The following HERC2 variants were observed in gnomAD, a reference collection of about 807,000 sequenced individuals.
HERC2 encodes HECT and RLD domain containing E3 ubiquitin protein ligase 2.
Under a neutral mutation model 537.7 loss-of-function variants are expected in HERC2, and 102 were observed. That is an observed-to-expected ratio of 0.19 (90% CI 0.16 to 0.22). The LOEUF is 0.22. Ranked by LOEUF, HERC2 falls within the 10% of genes least tolerant of loss-of-function variation. The pLI is 1.00. For missense variants in HERC2, 4,236 were observed against 6,198.2 expected (o/e 0.68, Z 10.63); for synonymous variants, 2,224 against 2,466.2 (o/e 0.90, Z 2.91).
At position 28,114,675 on chromosome 15, in the gene HERC2, G is replaced by A. The variant is rs777060023; in HGVS notation, c.13850C>T (p.Ser4617Phe). ...SASGQDIQLS[S>F]KHTHITLDNR... Reference sequence around the variant, plus strand: ...GTCCAGGGTGATGTGTGTGTGCTTGGAGCTCAACTGAATGTCCTGGCCACT... The same window carrying A: ...GTCCAGGGTGATGTGTGTGTGCTTGAAGCTCAACTGAATGTCCTGGCCACT... Residue 4617 changes from serine (S) to phenylalanine (F), a missense_variant, in exon 90 of 93, where the codon TCC becomes TTC. By Grantham distance (155) the Ser-to-Phe change is radical (BLOSUM62 -2). Around this residue, in one of 27 missense-constraint regions of HERC2, gnomAD observed 313 missense variants for 462.6 expected, o/e 0.68. Transcript: ENST00000261609. The A allele has an allele frequency of 6.2e-7, 1 of 1,614,068 alleles. No homozygotes were observed. The highest frequency in any genetic ancestry group is 8.5e-7 in the Non-Finnish European group (1 of 1,180,034).
chr15:28,173,067 AG>A (rs1232943307), intron 65 of HERC2, among the ~76,000 whole-genome samples: 2 of 152,256 alleles, frequency 1.3e-5, no homozygotes, highest in Non-Finnish European at 2.9e-5. Flanking sequence ...TACGTCTATC[AG>A]TATAACTAAA....
Position 28,302,953 on chromosome 15 carries a change from G to A in HERC2, c.73-3437C>T, listed in dbSNP as rs1596444553. Among the ~76,000 whole-genome samples, 7 of 151,576 alleles carry A rather than the reference G, an allele frequency of 4.6e-5. No individual in the cohort carries two copies. The South Asian group carries it at 1.5e-3, about 32-fold the overall frequency. On this transcript the variant is annotated intron_variant, in intron 2 of 92. Transcript: ENST00000261609. ...TTGCAAATATTTTCTCCCATTCTGT[G>A]GGTTGTCTCTTCATTTTGTTGATTG...
At chr15:28,209,212 A>G (rs979405008) in intron 44 of HERC2, among the ~76,000 whole-genome samples, 15 of 152,222 alleles carry the variant, frequency 9.9e-5, no homozygotes, top group South Asian at 2.1e-4. Flanking sequence ...CTAGCCCTCC[A>G]TATCCATGGG....
intron 69 of HERC2, among the ~76,000 whole-genome samples, chr15:28,154,060 G>A (rs1391925384): frequency 2.0e-5 from 3 of 152,068 alleles, no homozygotes; most frequent in Admixed American, 6.5e-5. Flanking sequence ...ACTTATTGAT[G>A]ATTCACATCT....
chr15:28,300,378 A>G (rs2076587758), intron 2 of HERC2, among the ~76,000 whole-genome samples: 1 of 149,468 alleles, frequency 6.7e-6, no homozygotes, highest in African/African-American at 2.6e-5. Flanking sequence ...TTTGAACTAC[A>G]TATCATTAAT....
chr15:28,304,036 G>C lies in HERC2; in HGVS notation c.73-4520C>G, dbSNP rs370950174. Among the ~76,000 whole-genome samples the C allele has an allele frequency of 7.2e-5, 11 of 152,094 alleles. No individual in the cohort carries two copies. The East Asian group carries it at 1.7e-3, about 24-fold the overall frequency. On this transcript the variant is annotated intron_variant, in intron 2 of 92. Coordinates refer to ENST00000261609, the MANE Select transcript of HERC2 (RefSeq NM_004667.6). ...CAAAAATTAGCCAGGCCTGGTGGCAGGCGCCTGTAATGCCAGCTACTCAGG... is the reference window on the plus strand; with the variant it reads ...CAAAAATTAGCCAGGCCTGGTGGCACGCGCCTGTAATGCCAGCTACTCAGG...
At chr15:28,193,688 T>G (rs1014431568) in intron 52 of HERC2, among the ~76,000 whole-genome samples, 18 of 152,024 alleles carry the variant, frequency 1.2e-4, no homozygotes, top group African/African-American at 4.3e-4. Context: ...AAAAAGACTC[T>G]CTGAAAAGCA....
rs534318160 is a variant in HERC2 at position 28,314,240 on chromosome 15, C to T, written c.72+7122G>A. Among the ~76,000 whole-genome samples, 397 of 151,760 alleles carry T rather than the reference C, an allele frequency of 2.6e-3. 2 individuals carry two copies. The highest frequency in any genetic ancestry group is 4.6e-3 in the Non-Finnish European group (310 of 67,890). On this transcript the variant is annotated intron_variant, in intron 2 of 92. Transcript: ENST00000261609. Reference sequence around the variant, plus strand: ...AAATGAAAAAAAAAATAGAAGTCAACAGAACAGACCAAGAGTAGATCCTGA... The same window carrying T: ...AAATGAAAAAAAAAATAGAAGTCAATAGAACAGACCAAGAGTAGATCCTGA...
At chr15:28,182,250 G>T in intron 57 of HERC2, 151 bp downstream of exon 57, 1 of 516,868 alleles carries the variant, frequency 1.9e-6, no homozygotes, top group Non-Finnish European at 3.4e-6. Flanking sequence ...TTTTCAAGGA[G>T]AGACGCTTCT....
At chr15:28,169,119 C>T (rs1043844817) in intron 66 of HERC2, among the ~76,000 whole-genome samples, 4 of 152,310 alleles carry the variant, frequency 2.6e-5, no homozygotes, top group Non-Finnish European at 5.9e-5. Flanking sequence ...TGCAAAATGC[C>T]GCACTGGCAA....
At chr15:28,175,197 T>G (rs1403013086) in intron 64 of HERC2, among the ~76,000 whole-genome samples, 3 of 151,034 alleles carry the variant, frequency 2.0e-5, no homozygotes, top group African/African-American at 7.3e-5. Flanking sequence ...AGTTACCAAT[T>G]CTCTAAAGGA....
At chr15:28,129,608 GGTCT>G (rs1046975246) in intron 83 of HERC2, among the ~76,000 whole-genome samples, 2 of 152,224 alleles carry the variant, frequency 1.3e-5, no homozygotes, top group East Asian at 1.9e-4. Flanking sequence ...GCCTGCAGCA[GGTCT>G]GTCTAAGGAC....
At chr15:28,150,043 T>C (rs1414949129) in intron 70 of HERC2, among the ~76,000 whole-genome samples, 1 of 146,166 alleles carries the variant, frequency 6.8e-6, no homozygotes, top group Non-Finnish European at 1.5e-5. Context: ...ACACGTGACT[T>C]CTAACCAAGA....
chr15:28,258,308 G>A (rs1351578666), intron 16 of HERC2, among the ~76,000 whole-genome samples: 1 of 151,984 alleles, frequency 6.6e-6, no homozygotes, highest in African/African-American at 2.4e-5. Context: ...CATCTCTACT[G>A]AAAATACAAA....
At chr15:28,167,599 C>T in intron 68 of HERC2, 88 bp downstream of exon 68, 1 of 1,480,414 alleles carries the variant, frequency 6.8e-7, no homozygotes, top group Non-Finnish European at 9.4e-7. Context: ...TAGGAATAGA[C>T]TGTGTTCCAC....
chr15:28,126,747 A>C (rs999020477), intron 83 of HERC2, among the ~76,000 whole-genome samples: 1 of 152,196 alleles, frequency 6.6e-6, no homozygotes, highest in African/African-American at 2.4e-5. Flanking sequence ...AAAAGACTAC[A>C]CATTGGGTAC....
chr15:28,146,619 C>T (rs1364043848), intron 70 of HERC2, among the ~76,000 whole-genome samples: 3 of 151,594 alleles, frequency 2.0e-5, no homozygotes, highest in East Asian at 3.9e-4. Flanking sequence ...AACCACACTC[C>T]CCTGATCAAG....
At chr15:28,233,106 A>C in intron 30 of HERC2, 40 bp downstream of exon 30, 1 of 1,514,872 alleles carries the variant, frequency 6.6e-7, no homozygotes, top group Non-Finnish European at 9.1e-7. Context: ...AGGGTGAAGC[A>C]CAAGCTTTAA....
intron 44 of HERC2, among the ~76,000 whole-genome samples, chr15:28,207,783 T>C (rs1898645259): frequency 6.6e-6 from 1 of 151,928 alleles, no homozygotes; most frequent in Non-Finnish European, 1.5e-5. Context: ...ATCTTTCTCT[T>C]AAAGGGCCAG....
Sources: allele counts gnomAD v4.1 joint callset (sites outside exome capture counted in the v4.1 genomes callset), GRCh38; gene constraint gnomAD v4.1.1; regional missense constraint gnomAD v4.1.1; transcripts MANE v1.5; gene names NCBI Gene and HGNC (gene_info 2026-07-23, HGNC 2026-07-21).